The following TTC28 variants were observed in gnomAD, a reference collection of about 807,000 sequenced individuals.
The protein encoded by TTC28 is tetratricopeptide repeat domain 28.
In TTC28, 61 loss-of-function variants were observed where a neutral mutation model predicts 198.0. The observed-to-expected ratio is 0.31, with a 90% CI of 0.25 to 0.38. The LOEUF (loss-of-function observed/expected upper bound fraction) is 0.38, where lower values mean the gene tolerates loss of function less well. Ranked by LOEUF, TTC28 falls within the 10% of genes least tolerant of loss-of-function variation. The pLI is 1.00. For synonymous variants in TTC28, 1,171 were observed against 1,297.8 expected (o/e 0.90, Z 2.10); for missense variants, 2,678 against 3,164.0 (o/e 0.85, Z 3.69).
intron 12 of TTC28, among the ~76,000 whole-genome samples, chr22:28,079,532 G>A (rs558674371): frequency 1.3e-5 from 2 of 151,948 alleles, no homozygotes; most frequent in South Asian, 4.2e-4. Flanking sequence ...CATCCCTGAG[G>A]ACCACCATTC....
chr22:28,171,561 A>T, intron 5 of TTC28, among the ~76,000 whole-genome samples: 1 of 150,504 alleles, frequency 6.6e-6, no homozygotes. Context: ...GTGAAATAGC[A>T]GTTCTTGATC....
chr22:28,398,610 G>A (rs1025968681), intron 2 of TTC28, among the ~76,000 whole-genome samples: 1 of 152,136 alleles, frequency 6.6e-6, no homozygotes, highest in Non-Finnish European at 1.5e-5. Flanking sequence ...AGTATATCTA[G>A]GGCTCAACCA....
chr22:28,125,174 G>A (rs1448389032), intron 6 of TTC28, among the ~76,000 whole-genome samples: 2 of 152,168 alleles, frequency 1.3e-5, no homozygotes, highest in Non-Finnish European at 2.9e-5. Context: ...ATGGAGAATT[G>A]AAGTACAAAG....
At chr22:28,044,230 G>A (rs1285665017) in intron 12 of TTC28, among the ~76,000 whole-genome samples, 1 of 152,092 alleles carries the variant, frequency 6.6e-6, no homozygotes, top group African/African-American at 2.4e-5. Context: ...GCTTTTCTCT[G>A]TATCCTCTCA....
intron 2 of TTC28, among the ~76,000 whole-genome samples, chr22:28,448,186 A>C (rs1035143781): frequency 1.3e-5 from 2 of 152,202 alleles, no homozygotes; most frequent in African/African-American, 4.8e-5. Context: ...TGTCTCCTTC[A>C]TTTTTTAACA....
At chr22:28,161,363 GCAA>G (rs919267297) in intron 6 of TTC28, among the ~76,000 whole-genome samples, 2 of 152,088 alleles carry the variant, frequency 1.3e-5, no homozygotes, top group Non-Finnish European at 2.9e-5. Context: ...AGGCCTCACT[GCAA>G]CAACAAAACA....
intron 12 of TTC28, among the ~76,000 whole-genome samples, chr22:28,034,352 C>T (rs1211174714): frequency 6.6e-6 from 1 of 152,194 alleles, no homozygotes; most frequent in African/African-American, 2.4e-5. Flanking sequence ...TTCCGCCTGT[C>T]TTCTTCCCAG....
At chr22:28,138,984 T>C (rs1446804055) in intron 6 of TTC28, among the ~76,000 whole-genome samples, 1 of 151,938 alleles carries the variant, frequency 6.6e-6, no homozygotes, top group Middle Eastern at 3.2e-3. Flanking sequence ...AGGCTCCAAA[T>C]TTTCCTGTCT....
chr22:28,409,928 GT>G (rs134549), intron 2 of TTC28, among the ~76,000 whole-genome samples: 142,994 of 146,896 alleles, frequency 0.97, 69,593 homozygotes, highest in African/African-American at 0.98. Flanking sequence ...AGTGCTAAGT[GT>G]TTTTTTTTTT....
At chr22:28,536,216 A>AT (rs2049273980) in intron 2 of TTC28, among the ~76,000 whole-genome samples, 1 of 92,954 alleles carries the variant, frequency 1.1e-5, no homozygotes, top group Non-Finnish European at 2.5e-5. Flanking sequence ...AAAAAAAAAA[A>AT]AAAACATAAA....
At chr22:28,340,039 T>C (rs1184046084) in intron 2 of TTC28, among the ~76,000 whole-genome samples, 2 of 152,070 alleles carry the variant, frequency 1.3e-5, no homozygotes, top group East Asian at 3.9e-4. Flanking sequence ...GCTCCCTAAA[T>C]CACTGTATTT....
At chr22:28,342,632 T>C (rs1357521134) in intron 2 of TTC28, among the ~76,000 whole-genome samples, 1 of 152,148 alleles carries the variant, frequency 6.6e-6, no homozygotes, top group Non-Finnish European at 1.5e-5. Flanking sequence ...CAAAAAACGG[T>C]GGTATATGAA....
At chr22:28,141,326 G>A (rs1318679036) in intron 6 of TTC28, among the ~76,000 whole-genome samples, 1 of 152,066 alleles carries the variant, frequency 6.6e-6, no homozygotes, top group Non-Finnish European at 1.5e-5. Context: ...TTAAAAACAT[G>A]TCTCCTGTTT....
At chr22:28,172,171 T>A (rs1922748804) in intron 5 of TTC28, among the ~76,000 whole-genome samples, 2 of 152,076 alleles carry the variant, frequency 1.3e-5, no homozygotes. Flanking sequence ...ATGGAGCTAG[T>A]GTAGCTTAGA....
In TTC28 at chr22:27,981,229, A is replaced by ATT. The variant is rs1937001603; in HGVS notation, c.*991_*992insAA. Reference sequence around the variant, plus strand: ...CTGGTTAAATCTAGTTAGCCATGGAAATTTTTTTTTTTTTTTTTTTTTTTT... The same window carrying ATT: ...CTGGTTAAATCTAGTTAGCCATGGAATTATTTTTTTTTTTTTTTTTTTTTTTT... On this transcript the variant is annotated 3_prime_UTR_variant, in exon 23 of 23. Transcript: ENST00000397906. 283 of 72,678 alleles carry ATT rather than the reference A, an allele frequency of 3.9e-3. 23 individuals carry two copies. Among genetic ancestry groups the ATT allele is most frequent in the Middle Eastern group, 0.01 (1 of 100 alleles). 4.5% of individuals were successfully genotyped at this position (72,678 alleles called of 1,614,324 possible).
intron 2 of TTC28, among the ~76,000 whole-genome samples, chr22:28,479,529 G>A (rs2048216663): frequency 1.3e-5 from 2 of 152,268 alleles, no homozygotes; most frequent in Non-Finnish European, 2.9e-5. Flanking sequence ...AGTGACTGCT[G>A]TTGCATGTAA....
chr22:28,045,211 C>CAGA (rs1939816399), intron 12 of TTC28, among the ~76,000 whole-genome samples: 1 of 152,116 alleles, frequency 6.6e-6, no homozygotes. Context: ...TGCTTGGGAC[C>CAGA]AGAAGCATTT....
At chr22:28,595,288 T>C (rs1163114198) in intron 2 of TTC28, among the ~76,000 whole-genome samples, 2 of 152,194 alleles carry the variant, frequency 1.3e-5, no homozygotes, top group Non-Finnish European at 2.9e-5. Context: ...ATGGCAAGGT[T>C]AAGTAAAGTA....
chr22:28,046,088 C>T (rs551670393), intron 12 of TTC28, among the ~76,000 whole-genome samples: 1 of 152,334 alleles, frequency 6.6e-6, no homozygotes, highest in South Asian at 2.1e-4. Context: ...ATTAAAAGTA[C>T]TTAATGAAAT....
Sources: gnomAD v4.1 joint callset for allele counts (sites outside exome capture counted in the v4.1 genomes callset) on GRCh38, gnomAD v4.1.1 for gene constraint, MANE v1.5 for transcripts, NCBI Gene and HGNC (gene_info 2026-07-23, HGNC 2026-07-21) for gene names.